The following SPTBN1 variants were observed in gnomAD, a reference collection of about 807,000 sequenced individuals.
The protein encoded by SPTBN1 is spectrin beta chain, non-erythrocytic 1.
SPTBN1 carries 32 observed loss-of-function variants against 266.4 expected under a neutral mutation model. That is an observed-to-expected ratio of 0.12 (90% CI 0.09 to 0.16). SPTBN1 has a LOEUF of 0.16. SPTBN1 is among the 10% of genes least tolerant of loss of function. The pLI is 1.00. For missense variants in SPTBN1, 2,296 were observed against 3,067.1 expected, an observed-to-expected ratio of 0.75 and a Z score of 5.94; for synonymous variants, 1,336 against 1,162.2, an observed-to-expected ratio of 1.15 and a Z score of -3.04.
rs564527389 is a variant in SPTBN1 at position 54,657,136 on chromosome 2, C to G, written c.6047-714C>G. Among the ~76,000 whole-genome samples, 3 of 152,326 alleles carry G rather than the reference C, an allele frequency of 2.0e-5. No homozygotes were observed. In the South Asian group the frequency reaches 6.2e-4, roughly 32 times the overall value. On this transcript the variant is annotated intron_variant, in intron 29 of 35. Coordinates refer to ENST00000356805, the MANE Select transcript of SPTBN1 (RefSeq NM_003128.3). ...AGCAGAAAGCCTGGTTCTAACCTACCTTCTCATAACTATGTTGGAACTAGT... is the reference window on the plus strand; with the variant it reads ...AGCAGAAAGCCTGGTTCTAACCTACGTTCTCATAACTATGTTGGAACTAGT...
chr2:54,551,259 C>G (rs774698393), intron 2 of SPTBN1, among the ~76,000 whole-genome samples: 5 of 152,188 alleles, frequency 3.3e-5, no homozygotes, highest in Non-Finnish European at 7.3e-5. Context: ...AAAGCAGAAC[C>G]AAGAACTCTG....
intron 2 of SPTBN1, among the ~76,000 whole-genome samples, chr2:54,551,438 C>T (rs1045824732): frequency 3.3e-5 from 5 of 152,258 alleles, no homozygotes; most frequent in African/African-American, 1.2e-4. Flanking sequence ...ATTCTTTTGT[C>T]TGTGCAGGGA....
At chr2:54,527,076 G>A (rs1670859929) in intron 2 of SPTBN1, 1 of 152,370 alleles carries the variant, frequency 6.6e-6, no homozygotes, top group African/African-American at 2.4e-5. Flanking sequence ...CGTGGAACAT[G>A]TCCTTACTTT....
chr2:54,566,145 G>A (rs958346570), intron 2 of SPTBN1, among the ~76,000 whole-genome samples: 1 of 151,402 alleles, frequency 6.6e-6, no homozygotes, highest in African/African-American at 2.4e-5. Flanking sequence ...ATGAAAGGGG[G>A]AAATAAAGGA....
At chr2:54,660,590 A>G (rs1680967448) in intron 32 of SPTBN1, 1 of 985,536 alleles carries the variant, frequency 1.0e-6, no homozygotes, top group Non-Finnish European at 1.2e-6. Context: ...AGATGCATTC[A>G]TTTATTGAAG....
intron 32 of SPTBN1, chr2:54,662,384 C>G: frequency 1.0e-6 from 1 of 965,268 alleles, no homozygotes; most frequent in Non-Finnish European, 1.2e-6. Flanking sequence ...GGGGTTTTCT[C>G]TTTCCTTCTA....
intron 2 of SPTBN1, among the ~76,000 whole-genome samples, chr2:54,576,037 T>C (rs1217754297): frequency 6.8e-6 from 1 of 147,662 alleles, no homozygotes; most frequent in Non-Finnish European, 1.5e-5. Flanking sequence ...TTTTTTTCCT[T>C]TTGTCACTCA....
At chr2:54,642,865 C>G in intron 18 of SPTBN1, 118 bp from the exon 19 acceptor site, 1 of 1,288,548 alleles carries the variant, frequency 7.8e-7, no homozygotes. Context: ...ATTTGGTTGT[C>G]TGTCACCATG....
At position 54,604,348 on chromosome 2, in the gene SPTBN1, C is replaced by CT. The variant is rs995023574; in HGVS notation, c.300+5114dup. ...AAGAGGCCAAATTAGCTCTCAGAAG[C>CT]TTTTTTTTTCTTTCTTTCTTTCTTT... On this transcript the variant is annotated intron_variant, in intron 3 of 35. Transcript: ENST00000356805. 9.2e-5 allele frequency among the ~76,000 whole-genome samples: 14 copies of CT among 151,710 alleles called. No homozygotes were observed. The East Asian group carries it at 1.6e-3, about 17-fold the overall frequency.
chr2:54,480,104 T>G (rs1009617786), intron 1 of SPTBN1, among the ~76,000 whole-genome samples: 2 of 152,184 alleles, frequency 1.3e-5, no homozygotes, highest in Non-Finnish European at 2.9e-5. Context: ...TTCAGCTACG[T>G]GTATATGTGG....
intron 3 of SPTBN1, 141 bp from the exon 4 acceptor site, chr2:54,612,020 T>TA: frequency 1.3e-6 from 1 of 784,500 alleles, no homozygotes. Context: ...TCCTTGGACT[T>TA]AATGAGTACA....
At chr2:54,637,147 T>C (rs1218951946) in intron 17 of SPTBN1, among the ~76,000 whole-genome samples, 1 of 152,242 alleles carries the variant, frequency 6.6e-6, no homozygotes, top group Non-Finnish European at 1.5e-5. Flanking sequence ...TTAACTTCTT[T>C]GAGCTTTAGT....
intron 15 of SPTBN1, 90 bp downstream of exon 15, chr2:54,630,119 C>T: frequency 6.7e-7 from 1 of 1,502,686 alleles, no homozygotes; most frequent in Admixed American, 2.1e-5. Flanking sequence ...TGGGAATTTC[C>T]CACATGGGGT....
At chr2:54,665,620 T>C (rs1681317708) in intron 33 of SPTBN1, among the ~76,000 whole-genome samples, 1 of 152,140 alleles carries the variant, frequency 6.6e-6, no homozygotes, top group Non-Finnish European at 1.5e-5. Flanking sequence ...TAAATACCAA[T>C]CAAAGTGAGC....
chr2:54,576,072 TGAG>T lies in SPTBN1; in HGVS notation c.149-23019_149-23017del, dbSNP rs1422028518. 1.4e-3 allele frequency among the ~76,000 whole-genome samples: 164 copies of T among 113,282 alleles called. 2 individuals are homozygous for T. The highest frequency in any genetic ancestry group is 2.7e-3 in the African/African-American group (75 of 28,280). The allele number at this position is 113,282 out of a possible 152,430, so 74.3% of individuals were successfully genotyped here. ...AGATCCAGCTTTTTTTTTTTTTTTTTGAGAGACAGTCTGGCTGTGTCTCCCAGG... is the reference window on the plus strand; with the variant it reads ...AGATCCAGCTTTTTTTTTTTTTTTTTAGACAGTCTGGCTGTGTCTCCCAGG... On this transcript the variant is annotated intron_variant, in intron 2 of 35. Transcript: ENST00000356805.
In SPTBN1 at chr2:54,649,917, T is replaced by C. The variant is rs1339074322; in HGVS notation, c.5505T>C (p.Asp1835=). 1 of 1,614,146 alleles carries C rather than the reference T, an allele frequency of 6.2e-7. No homozygotes were observed. The highest frequency in any genetic ancestry group is 1.1e-5 in the South Asian group (1 of 91,072). ...HKKLPEELGR[D]QNTVETLQRM... is the part of the protein sequence containing the mutation. ...AACTCCCTGAGGAGCTTGGGAGAGA[T>C]CAGAACACAGTGGAGACCTTACAGA... Residue 1835 remains aspartate (D), a synonymous_variant, in exon 26 of 36, where the codon GAT becomes GAC. Transcript: ENST00000356805. This position sits in a 1 kb window ranked among gnomAD's most constrained non-coding sequence, Gnocchi z 6.7.
chr2:54,587,347 CA>C (rs1411660152), intron 2 of SPTBN1, among the ~76,000 whole-genome samples: 4 of 152,166 alleles, frequency 2.6e-5, no homozygotes, highest in Non-Finnish European at 5.9e-5. Flanking sequence ...CCATATGTTG[CA>C]ATTATACTAC....
intron 17 of SPTBN1, among the ~76,000 whole-genome samples, chr2:54,637,422 A>G (rs1265328640): frequency 6.6e-6 from 1 of 152,174 alleles, no homozygotes; most frequent in African/African-American, 2.4e-5. Context: ...GCGTGTGCTC[A>G]TATTTTTTTC....
intron 2 of SPTBN1, among the ~76,000 whole-genome samples, chr2:54,559,986 G>A (rs1402187536): frequency 6.6e-6 from 1 of 152,140 alleles, no homozygotes; most frequent in Non-Finnish European, 1.5e-5. Context: ...TGGAAAACGA[G>A]GCAGAACAGG....
Sources: gnomAD v4.1 joint callset for allele counts (sites outside exome capture counted in the v4.1 genomes callset) on GRCh38, gnomAD v4.1.1 for gene constraint, Gnocchi (gnomAD v3.1) non-coding constraint, MANE v1.5 for transcripts, NCBI Gene and HGNC (gene_info 2026-07-23, HGNC 2026-07-21) for gene names.